The following RYR3 variants were observed in gnomAD, a reference collection of about 807,000 sequenced individuals.
RYR3 encodes the protein brain ryanodine receptor-calcium release channel.
RYR3 carries 207 observed loss-of-function variants against 584.3 expected under a neutral mutation model. The ratio of observed to expected loss-of-function variants is 0.35; its 90% CI spans 0.32 to 0.40. The LOEUF (loss-of-function observed/expected upper bound fraction) is 0.40, where lower values mean the gene tolerates loss of function less well. Among genes scored for constraint, RYR3 ranks in the 10% least tolerant of loss-of-function variants. RYR3 has a pLI of 1.00. For synonymous variants in RYR3, 2,416 were observed against 2,248.5 expected, an observed-to-expected ratio of 1.07 and a Z score of -2.11; for missense variants, 5,616 against 6,089.2, an observed-to-expected ratio of 0.92 and a Z score of 2.59.
intron 67 of RYR3, among the ~76,000 whole-genome samples, chr15:33,794,871 A>G (rs1020717212): frequency 2.6e-5 from 4 of 152,106 alleles, no homozygotes; most frequent in Non-Finnish European, 5.9e-5. Flanking sequence ...CTCCCAGTGG[A>G]TGGAGAAATA....
chr15:33,662,052 C>T, intron 34 of RYR3, 101 bp from the exon 35 acceptor site: 1 of 989,238 alleles, frequency 1.0e-6, no homozygotes. Flanking sequence ...GAGACCCCTC[C>T]AACCTTCCAC....
intron 10 of RYR3, among the ~76,000 whole-genome samples, chr15:33,555,132 A>T (rs915226313): frequency 2.0e-5 from 3 of 152,210 alleles, no homozygotes; most frequent in Admixed American, 2.0e-4. Flanking sequence ...TGAAACATCT[A>T]TGTGCTAAGC....
chr15:33,510,660 A>G (rs771867751), intron 3 of RYR3, among the ~76,000 whole-genome samples: 1 of 150,994 alleles, frequency 6.6e-6, no homozygotes, highest in Non-Finnish European at 1.5e-5. Flanking sequence ...GGGACATATC[A>G]TGTATATTTG....
intron 59 of RYR3, 96 bp from the exon 60 acceptor site, chr15:33,757,378 AG>A: frequency 1.5e-6 from 2 of 1,343,176 alleles, no homozygotes; most frequent in Non-Finnish European, 2.1e-6. Flanking sequence ...ACCAGGGTTC[AG>A]AGGCTTTTTG....
At position 33,859,602 on chromosome 15, in the gene RYR3, G is replaced by C. The variant is rs1319883367; in HGVS notation, c.14170G>C (p.Val4724Leu). ...TTACCTTTTCCACATGTACGTGGGA[G>C]TGAGAGCAGGAGGTGGCATTGGTGA... Reference protein sequence around the residue: ...TCYLFHMYVGVRAGGGIGDEI... With the variant: ...TCYLFHMYVGLRAGGGIGDEI... The change falls in exon 100 of 104, where the codon GTG (valine) becomes CTG (leucine). Residue 4724 changes from valine (V) to leucine (L), a missense_variant. Coordinates refer to ENST00000634891, the MANE Select transcript of RYR3 (RefSeq NM_001036.6). 1.2e-6 allele frequency: 2 copies of C among 1,614,048 alleles called. No homozygotes were observed. Among genetic ancestry groups the C allele is most frequent in the Non-Finnish European group, 1.7e-6 (2 of 1,179,890 alleles).
rs1471066507 is a variant in RYR3, at chr15:33,821,244, T to C, written c.10816-26T>C. On this transcript the variant is annotated intron_variant, in intron 78 of 103. Transcript: ENST00000634891. Reference sequence around the variant, plus strand: ...CCTGGTGCTGGGTAGGAACCAATCTTTCCCTGTGATTTTTTTTCCCCCCAG... The same window carrying C: ...CCTGGTGCTGGGTAGGAACCAATCTCTCCCTGTGATTTTTTTTCCCCCCAG... 3.3e-6 allele frequency: 5 copies of C among 1,501,456 alleles called. No homozygotes were observed. The South Asian group carries it at 6.1e-5, about 18-fold the overall frequency. The allele number at this position is 1,501,456 out of a possible 1,614,324, so 93.0% of individuals were successfully genotyped here.
intron 81 of RYR3, 102 bp from the exon 82 acceptor site, chr15:33,825,501 C>A: frequency 2.8e-6 from 2 of 723,104 alleles, no homozygotes; most frequent in Non-Finnish European, 4.8e-6. Flanking sequence ...TTTACGATAA[C>A]ACAGGGGCAG....
intron 48 of RYR3, among the ~76,000 whole-genome samples, chr15:33,732,940 A>C (rs1242124068): frequency 6.6e-6 from 1 of 152,200 alleles, no homozygotes; most frequent in African/African-American, 2.4e-5. Flanking sequence ...TCACAGATGA[A>C]ATTACTATGC....
chr15:33,623,493 C>T (rs900832145), intron 19 of RYR3, among the ~76,000 whole-genome samples: 4 of 152,048 alleles, frequency 2.6e-5, no homozygotes, highest in Non-Finnish European at 5.9e-5. Flanking sequence ...TTCAATACTG[C>T]AATAATATCT....
chr15:33,714,449 TTG>T (rs755486652), intron 43 of RYR3, among the ~76,000 whole-genome samples: 19 of 152,184 alleles, frequency 1.2e-4, no homozygotes, highest in Non-Finnish European at 1.8e-4. Flanking sequence ...AAGCCTTGGG[TTG>T]TGTTTAACTC....
intron 42 of RYR3, among the ~76,000 whole-genome samples, chr15:33,702,413 T>C (rs2066372953): frequency 6.6e-6 from 1 of 152,162 alleles, no homozygotes; most frequent in Non-Finnish European, 1.5e-5. Context: ...TTAATATTGA[T>C]GCAGTGGGTG....
At chr15:33,337,939 T>C (rs1971331808) in intron 1 of RYR3, among the ~76,000 whole-genome samples, 1 of 50,896 alleles carries the variant, frequency 2.0e-5, no homozygotes, top group African/African-American at 5.7e-5. Flanking sequence ...AGGAGATTTT[T>C]TTTTTTTTTT....
At chr15:33,816,253 A>C (rs1596766553) in intron 74 of RYR3, among the ~76,000 whole-genome samples, 1 of 152,240 alleles carries the variant, frequency 6.6e-6, no homozygotes, top group South Asian at 2.1e-4. Context: ...GGAGTGGCTC[A>C]TGCCAGTTAT....
intron 57 of RYR3, among the ~76,000 whole-genome samples, chr15:33,754,780 C>A (rs772604718): frequency 6.6e-6 from 1 of 152,168 alleles, no homozygotes; most frequent in Non-Finnish European, 1.5e-5. Flanking sequence ...CTGTTTACAG[C>A]TAGCATGTAA....
intron 80 of RYR3, among the ~76,000 whole-genome samples, chr15:33,821,807 A>G (rs1165725158): frequency 6.6e-6 from 1 of 152,244 alleles, no homozygotes; most frequent in African/African-American, 2.4e-5. Context: ...TCTTTAATAA[A>G]GAGGTTTTAT....
chr15:33,837,223 C>G (rs180780135), intron 88 of RYR3, among the ~76,000 whole-genome samples: 2 of 152,156 alleles, frequency 1.3e-5, no homozygotes, highest in Admixed American at 6.5e-5. Context: ...GGAAAACCTC[C>G]AAGCTTTGCT....
At chr15:33,564,114 T>G (rs1322960722) in intron 11 of RYR3, among the ~76,000 whole-genome samples, 1 of 152,188 alleles carries the variant, frequency 6.6e-6, no homozygotes, top group Non-Finnish European at 1.5e-5. Flanking sequence ...TTTGCAGAAC[T>G]AGGGCATGGG....
intron 2 of RYR3, among the ~76,000 whole-genome samples, chr15:33,491,978 A>G (rs1345864899): frequency 6.6e-6 from 1 of 152,064 alleles, no homozygotes; most frequent in East Asian, 1.9e-4. Context: ...ATTTTACCCA[A>G]CCTCCATACT....
At chr15:33,774,637 C>T (rs1232978932) in intron 64 of RYR3, among the ~76,000 whole-genome samples, 16 of 152,170 alleles carry the variant, frequency 1.1e-4, no homozygotes, top group Admixed American at 8.5e-4. Flanking sequence ...TTCATAATCA[C>T]GGCTTCTAAA....
Sources: allele counts gnomAD v4.1 joint callset (sites outside exome capture counted in the v4.1 genomes callset), GRCh38; gene constraint gnomAD v4.1.1; transcripts MANE v1.5; gene names NCBI Gene and HGNC (gene_info 2026-07-23, HGNC 2026-07-21).